SNAP47: variants seen among roughly 807,000 people sequenced by gnomAD.
SNAP47 encodes the protein synaptosome associated protein 47.
Under a neutral mutation model 31.4 loss-of-function variants are expected in SNAP47, and 20 were observed. The observed-to-expected ratio is 0.64, with a 90% CI of 0.45 to 0.93. SNAP47 has a LOEUF of 0.93. Ranked by LOEUF, SNAP47 falls within the 40% of genes least tolerant of loss-of-function variation. The pLI is 0.00. For missense variants in SNAP47, 492 were observed against 528.5 expected (o/e 0.93, Z 0.68); for synonymous variants, 194 against 213.4 (o/e 0.91, Z 0.79).
chr1:227,747,644 C>T, intron 1 of SNAP47, 48 bp from the exon 2 acceptor site: 1 of 1,530,134 alleles, frequency 6.5e-7, no homozygotes. Flanking sequence ...TTGCTTGTGT[C>T]TCCAGTCCAT....
rs796381639 is a variant in SNAP47, at chr1:227,764,345, C to G, written c.989-2614C>G. ...CTTGAGGCGTAAGAATTCTGTCCAG[C>G]CTTCTGAGTGTTTAAGCAAAGTCCT... On this transcript the variant is annotated intron_variant, in intron 3 of 4. Transcript: ENST00000617596. 5.3e-5 allele frequency among the ~76,000 whole-genome samples: 8 copies of G among 152,326 alleles called. 1 individual carries two copies. Among genetic ancestry groups the G allele is most frequent in the African/African-American group, 1.9e-4 (8 of 41,578 alleles).
chr1:227,761,737 G>T (rs547405002), intron 3 of SNAP47, among the ~76,000 whole-genome samples: 5 of 152,266 alleles, frequency 3.3e-5, no homozygotes, highest in Non-Finnish European at 7.4e-5. Context: ...TGTGGCGTCA[G>T]GCAGGAAGTT....
intron 4 of SNAP47, among the ~76,000 whole-genome samples, chr1:227,772,546 G>GT (rs1663889571): frequency 6.6e-6 from 1 of 152,204 alleles, no homozygotes; most frequent in African/African-American, 2.4e-5. Context: ...GAATGCCGCT[G>GT]TAAGCGTTCA....
At chr1:227,771,038 C>T (rs1288566585) in intron 4 of SNAP47, among the ~76,000 whole-genome samples, 2 of 152,144 alleles carry the variant, frequency 1.3e-5, no homozygotes, top group Non-Finnish European at 2.9e-5. Context: ...CTGGGCTCTG[C>T]GGGGGCACTG....
At chr1:227,757,340 CA>C (rs1572020775) in intron 2 of SNAP47, among the ~76,000 whole-genome samples, 1 of 152,176 alleles carries the variant, frequency 6.6e-6, no homozygotes, top group Non-Finnish European at 1.5e-5. Flanking sequence ...ATCTTGGGTG[CA>C]GCCAGCACAG....
upstream of SNAP47, among the ~76,000 whole-genome samples, chr1:227,730,005 A>C (rs1376847336): frequency 6.6e-6 from 1 of 152,156 alleles, no homozygotes. Context: ...TTGTCCCCAC[A>C]CTTGCAAGTA....
chr1:227,775,974 C>T (rs1311933129), intron 4 of SNAP47: 19 of 1,269,082 alleles, frequency 1.5e-5, no homozygotes, highest in Non-Finnish European at 1.9e-5. Flanking sequence ...GCATCCTCCT[C>T]ACGGATGTGT....
chr1:227,732,360 T>G (rs1060295), upstream of SNAP47: 959,465 of 1,600,718 alleles, frequency 0.6, 293,570 homozygotes, highest in African/African-American at 0.9. Context: ...GCTGCCTCTC[T>G]TCCACCCGTC....
chr1:227,776,824 G>T (rs1264071672), intron 4 of SNAP47: 5 of 985,324 alleles, frequency 5.1e-6, no homozygotes, highest in Non-Finnish European at 6.0e-6. Flanking sequence ...ATTTTGGCAG[G>T]CAGGCCAAGG....
chr1:227,732,929 C>A, upstream of SNAP47: 1 of 1,613,098 alleles, frequency 6.2e-7, no homozygotes, highest in Admixed American at 1.7e-5. Flanking sequence ...ACTCGCTGAC[C>A]TCCTCCTGCA....
intron 1 of SNAP47, among the ~76,000 whole-genome samples, chr1:227,744,286 C>G (rs75317007): frequency 1.3e-5 from 2 of 151,534 alleles, no homozygotes; most frequent in Admixed American, 1.3e-4. Context: ...TCAGTTCACA[C>G]GAGCAATGAG....
At chr1:227,740,184 T>A (rs1661500079) in intron 1 of SNAP47, among the ~76,000 whole-genome samples, 1 of 152,168 alleles carries the variant, frequency 6.6e-6, no homozygotes, top group Non-Finnish European at 1.5e-5. Flanking sequence ...AACAGAGACC[T>A]GCGGAGTGGA....
In SNAP47 at chr1:227,748,137, AGGACACGGCGAGGGTCCTGCAC is replaced by A; in HGVS notation, c.402_423del (p.Glu134AspfsTer11). 1 of 1,613,972 alleles carries A rather than the reference AGGACACGGCGAGGGTCCTGCAC, an allele frequency of 6.2e-7. No homozygotes were observed. The highest frequency in any genetic ancestry group is 8.5e-7 in the Non-Finnish European group (1 of 1,180,016). On this transcript the variant is annotated frameshift_variant, in exon 2 of 5. Transcript: ENST00000617596. LOFTEE classifies it high-confidence loss of function. Reference sequence around the variant, plus strand: ...ATGGCTGGATCCCAGAAACGCCTGGAGGACACGGCGAGGGTCCTGCACCACCAGGGCCAGCAGCTGGACAGCG... The same window carrying A: ...ATGGCTGGATCCCAGAAACGCCTGGACACCAGGGCCAGCAGCTGGACAGCG...
chr1:227,755,376 T>G (rs1662632402), intron 2 of SNAP47, among the ~76,000 whole-genome samples: 1 of 147,360 alleles, frequency 6.8e-6, no homozygotes, highest in South Asian at 2.1e-4. Context: ...CTAGTTTTGT[T>G]TTCTTTTTTT....
At chr1:227,731,966 C>T, upstream of SNAP47, 1 of 216,306 alleles carries the variant, frequency 4.6e-6, no homozygotes, top group South Asian at 8.5e-5. Flanking sequence ...GCTTGCCCAG[C>T]ACTGCTCCAA....
At position 227,767,188 on chromosome 1, in the gene SNAP47, G is replaced by T; in HGVS notation, c.1113+105G>T. 3 of 1,498,984 alleles carry T rather than the reference G, an allele frequency of 2.0e-6. No homozygotes were observed. The South Asian group carries it at 3.9e-5, about 19-fold the overall frequency. The allele number at this position is 1,498,984 out of a possible 1,614,324, so 92.9% of individuals were successfully genotyped here. Reference sequence around the variant, plus strand: ...CAAACAAGCTCTGGGTCATCCATCCGTATTGGCCTCGCACCAAGGAGGAGC... The same window carrying T: ...CAAACAAGCTCTGGGTCATCCATCCTTATTGGCCTCGCACCAAGGAGGAGC... On this transcript the variant is annotated intron_variant, in intron 4 of 4. Coordinates refer to ENST00000617596, the MANE Select transcript of SNAP47 (RefSeq NM_053052.4).
At chr1:227,733,677 G>A (rs1660833865), upstream of SNAP47, 3 of 1,600,260 alleles carry the variant, frequency 1.9e-6, no homozygotes, top group Non-Finnish European at 1.7e-6. Flanking sequence ...GCATGGAACG[G>A]GGACCTGCGG....
intron 1 of SNAP47, among the ~76,000 whole-genome samples, chr1:227,738,514 T>C (rs996559862): frequency 2.0e-5 from 3 of 152,210 alleles, no homozygotes; most frequent in Non-Finnish European, 4.4e-5. Context: ...TCTTTCTCCA[T>C]CGTGTATAAT....
rs567115255 is a variant in SNAP47 at position 227,760,736 on chromosome 1, C to G, written c.988+1251C>G. 6.6e-4 allele frequency among the ~76,000 whole-genome samples: 100 copies of G among 152,332 alleles called. No homozygotes were observed. The South Asian group carries it at 0.019, about 30-fold the overall frequency. ...TTGTTTTGGCCCTGCAGGTTTTGCT[C>G]TATGGATGGCCTGTTCTGTTTTCTT... On this transcript the variant is annotated intron_variant, in intron 3 of 4. Coordinates refer to ENST00000617596, the MANE Select transcript of SNAP47 (RefSeq NM_053052.4).
Sources: gnomAD v4.1 joint callset for allele counts (sites outside exome capture counted in the v4.1 genomes callset) on GRCh38, gnomAD v4.1.1 for gene constraint, MANE v1.5 for transcripts, NCBI Gene and HGNC (gene_info 2026-07-23, HGNC 2026-07-21) for gene names.